ST6GALNAC3: variants seen among roughly 807,000 people sequenced by gnomAD.
ST6GALNAC3 encodes the protein alpha-N-acetylgalactosaminide alpha-2,6-sialyltransferase 3.
A neutral mutation model predicts 32.7 loss-of-function variants in ST6GALNAC3; 25 were observed. The observed-to-expected ratio is 0.76, with a 90% CI of 0.56 to 1.07. ST6GALNAC3 has a LOEUF of 1.07. ST6GALNAC3 is among the 50% of genes least tolerant of loss of function. The pLI, the probability that ST6GALNAC3 is intolerant of heterozygous loss-of-function variation, is 0.00. For missense variants in ST6GALNAC3, 355 were observed against 382.4 expected (o/e 0.93, Z 0.60); for synonymous variants, 129 against 133.1 (o/e 0.97, Z 0.21).
At chr1:76,591,217 G>GT (rs1288231021) in intron 3 of ST6GALNAC3, among the ~76,000 whole-genome samples, 1 of 151,978 alleles carries the variant, frequency 6.6e-6, no homozygotes, top group African/African-American at 2.4e-5. Context: ...GTGTATGTGT[G>GT]TGTAGGGGCT....
At position 76,547,247 on chromosome 1, in the gene ST6GALNAC3, GA is replaced by G. The variant is rs1255054374; in HGVS notation, c.624-80201del. ...ATATGATCTGGGAACTAGACCAACC[GA>G]AAACACATTAAAAAATCAGACAACC... On this transcript the variant is annotated intron_variant, in intron 3 of 4. Transcript: ENST00000328299. 3.3e-5 allele frequency among the ~76,000 whole-genome samples: 5 copies of G among 152,266 alleles called. No individual in the cohort carries two copies. In the East Asian group the frequency reaches 9.7e-4, roughly 29 times the overall value.
chr1:76,108,580 G>A (rs756658179), intron 1 of ST6GALNAC3, among the ~76,000 whole-genome samples: 3 of 152,282 alleles, frequency 2.0e-5, no homozygotes, highest in South Asian at 2.1e-4. Flanking sequence ...TTAAGAGATG[G>A]TTAAAGAAAC....
intron 1 of ST6GALNAC3, among the ~76,000 whole-genome samples, chr1:76,154,920 G>GT (rs1651296720): frequency 6.6e-6 from 1 of 152,198 alleles, no homozygotes; most frequent in African/African-American, 2.4e-5. Flanking sequence ...ACTGGGTGGG[G>GT]TCAGTTTCTT....
intron 1 of ST6GALNAC3, among the ~76,000 whole-genome samples, chr1:76,118,549 G>A (rs1294799346): frequency 1.3e-5 from 2 of 152,132 alleles, no homozygotes; most frequent in African/African-American, 4.8e-5. Context: ...TTAGGGGTCT[G>A]TCTCCTAATT....
At chr1:76,457,064 C>T (rs1657867568) in intron 3 of ST6GALNAC3, among the ~76,000 whole-genome samples, 2 of 151,772 alleles carry the variant, frequency 1.3e-5, no homozygotes, top group South Asian at 4.2e-4. Flanking sequence ...CAATAACAGA[C>T]AAACAGAGAG....
intron 3 of ST6GALNAC3, among the ~76,000 whole-genome samples, chr1:76,453,487 A>T (rs1437387488): frequency 6.6e-6 from 1 of 152,088 alleles, no homozygotes; most frequent in Non-Finnish European, 1.5e-5. Flanking sequence ...CACTATTATC[A>T]TTCAATTCAA....
At chr1:76,431,504 TTCTG>T (rs1285830148) in intron 3 of ST6GALNAC3, among the ~76,000 whole-genome samples, 1 of 152,208 alleles carries the variant, frequency 6.6e-6, no homozygotes, top group Non-Finnish European at 1.5e-5. Flanking sequence ...CTGTCTTTCT[TTCTG>T]TCTCTCAGTT....
At chr1:76,262,917 C>T (rs1570618728) in intron 1 of ST6GALNAC3, among the ~76,000 whole-genome samples, 1 of 152,204 alleles carries the variant, frequency 6.6e-6, no homozygotes, top group East Asian at 1.9e-4. Flanking sequence ...TGAAGAAGCA[C>T]TTCCTTTCAT....
rs768206605 is a variant in ST6GALNAC3, at chr1:76,080,675, A to G, written c.18+5791A>G. Among the ~76,000 whole-genome samples the G allele has an allele frequency of 5.9e-5, 9 of 152,208 alleles. No homozygotes were observed. In the East Asian group the frequency reaches 1.2e-3, roughly 20 times the overall value. ...ATCAAAAACCAAACACCCACAACCA[A>G]ATGATTGTGTGGTTCTCAAACGATG... On this transcript the variant is annotated intron_variant, in intron 1 of 4. Coordinates refer to ENST00000328299, the MANE Select transcript of ST6GALNAC3 (RefSeq NM_152996.4).
In ST6GALNAC3 at chr1:76,551,751, C is replaced by T. The variant is rs181123388; in HGVS notation, c.624-75701C>T. Among the ~76,000 whole-genome samples, 8 of 152,232 alleles carry T rather than the reference C, an allele frequency of 5.3e-5. No individual in the cohort carries two copies. In the South Asian group the frequency reaches 1.5e-3, roughly 28 times the overall value. On this transcript the variant is annotated intron_variant, in intron 3 of 4. Coordinates refer to ENST00000328299, the MANE Select transcript of ST6GALNAC3 (RefSeq NM_152996.4). ...TGTAAACTATAGTCATCATACTCTG[C>T]TGTCATATATTAGAGCTTATTTCTT...
At chr1:76,538,010 T>A (rs1309223831) in intron 3 of ST6GALNAC3, among the ~76,000 whole-genome samples, 1 of 152,106 alleles carries the variant, frequency 6.6e-6, no homozygotes, top group Non-Finnish European at 1.5e-5. Context: ...TCCTCCCTAA[T>A]TCATTTTATG....
At chr1:76,085,686 A>G (rs1330490694) in intron 1 of ST6GALNAC3, among the ~76,000 whole-genome samples, 4 of 152,200 alleles carry the variant, frequency 2.6e-5, no homozygotes, top group South Asian at 2.1e-4. Context: ...GTATGACTCA[A>G]GAATTTGTAT....
chr1:76,330,783 C>T (rs1490752973), intron 2 of ST6GALNAC3, among the ~76,000 whole-genome samples: 2 of 152,168 alleles, frequency 1.3e-5, no homozygotes, highest in Admixed American at 1.3e-4. Flanking sequence ...CTGCAAGTGT[C>T]GGTCTTTCCA....
At chr1:76,531,437 C>T (rs1663248337) in intron 3 of ST6GALNAC3, among the ~76,000 whole-genome samples, 1 of 152,124 alleles carries the variant, frequency 6.6e-6, no homozygotes, top group Non-Finnish European at 1.5e-5. Flanking sequence ...TGGGTTTATG[C>T]CATATGTTCC....
chr1:76,287,804 A>G (rs905595357), intron 1 of ST6GALNAC3, among the ~76,000 whole-genome samples: 23 of 152,158 alleles, frequency 1.5e-4, no homozygotes, highest in African/African-American at 5.6e-4. Flanking sequence ...GATTATATGC[A>G]CCTTTGCAAA....
chr1:76,425,580 G>GAAC (rs1227373749), intron 3 of ST6GALNAC3, among the ~76,000 whole-genome samples: 1 of 151,890 alleles, frequency 6.6e-6, no homozygotes, highest in East Asian at 1.9e-4. Flanking sequence ...ATTTTACTGG[G>GAAC]AACTCGTCGG....
chr1:76,456,710 A>G (rs1657831981), intron 3 of ST6GALNAC3, among the ~76,000 whole-genome samples: 1 of 152,190 alleles, frequency 6.6e-6, no homozygotes, highest in Non-Finnish European at 1.5e-5. Context: ...TCTCAAAATA[A>G]TAAGAGCTAT....
At chr1:76,153,754 A>G (rs1651204519) in intron 1 of ST6GALNAC3, among the ~76,000 whole-genome samples, 1 of 152,158 alleles carries the variant, frequency 6.6e-6, no homozygotes. Flanking sequence ...TGTCCTAAGG[A>G]GTTGACCTAG....
chr1:76,143,742 G>T (rs1169291603), intron 1 of ST6GALNAC3, among the ~76,000 whole-genome samples: 3 of 152,054 alleles, frequency 2.0e-5, no homozygotes, highest in African/African-American at 7.2e-5. Flanking sequence ...CAAGCAGATG[G>T]GGTCACTGTC....
Sources: gnomAD v4.1 joint callset for allele counts (sites outside exome capture counted in the v4.1 genomes callset) on GRCh38, gnomAD v4.1.1 for gene constraint, MANE v1.5 for transcripts, NCBI Gene and HGNC (gene_info 2026-07-23, HGNC 2026-07-21) for gene names.